ABCA9: variants seen among roughly 807,000 people sequenced by gnomAD.
ABCA9 encodes the protein ATP binding cassette subfamily A member 9, also known as ATP-binding cassette sub-family A member 9.
A neutral mutation model predicts 205.3 loss-of-function variants in ABCA9; 183 were observed. The ratio of observed to expected loss-of-function variants is 0.89; its 90% CI spans 0.79 to 1.01. The LOEUF is 1.01. ABCA9 is among the 50% of genes least tolerant of loss of function. The pLI, the probability that ABCA9 is intolerant of heterozygous loss-of-function variation, is 0.00. For missense variants in ABCA9, 1,805 were observed against 1,912.4 expected (o/e 0.94, Z 1.05); for synonymous variants, 651 against 683.3 (o/e 0.95, Z 0.74).
chr17:69,059,973 C>T (rs768745534), intron 1 of ABCA9, among the ~76,000 whole-genome samples: 18 of 152,132 alleles, frequency 1.2e-4, no homozygotes, highest in South Asian at 4.1e-4. Flanking sequence ...AGAAATCAAG[C>T]GGTGATAAAC....
chr17:68,992,057 C>A, intron 28 of ABCA9, 118 bp downstream of exon 28: 1 of 623,594 alleles, frequency 1.6e-6, no homozygotes, highest in Non-Finnish European at 2.7e-6. Flanking sequence ...TTTTGTATAT[C>A]ACAGTCTTTA....
At position 69,012,030 on chromosome 17, in the gene ABCA9, C is replaced by A. The variant is rs200436897; in HGVS notation, c.3093G>T (p.Pro1031=). 5.0e-6 allele frequency: 8 copies of A among 1,613,164 alleles called. No individual in the cohort carries two copies. The highest frequency in any genetic ancestry group is 6.8e-6 in the Non-Finnish European group (8 of 1,179,500). The change falls in exon 23 of 39, where the codon CCG becomes CCT. Residue 1031 remains proline, a synonymous_variant. Transcript: ENST00000340001. The part of the protein sequence containing the change: ...GYRSNTFFWI[P]MAASFTPYIA... ...TGTATGGAGTGAAAGAGGCTGCCAT[C>A]GGTATCCAGAAGAAGGTGTTACTTC...
intron 8 of ABCA9, among the ~76,000 whole-genome samples, chr17:69,034,347 G>C (rs1314703220): frequency 2.0e-5 from 3 of 152,072 alleles, no homozygotes; most frequent in Non-Finnish European, 4.4e-5. Context: ...TCAGCCTCCA[G>C]AGTAGCTAGG....
At chr17:68,981,835 C>CAAAAA (rs398041827) in intron 37 of ABCA9, among the ~76,000 whole-genome samples, 17 of 51,630 alleles carry the variant, frequency 3.3e-4, no homozygotes, top group African/African-American at 8.9e-4. Context: ...AACTCTTTCT[C>CAAAAA]AAAAAAAAAA....
At chr17:68,997,594 C>CTTTTTTTTTTTTTTT in intron 25 of ABCA9, among the ~76,000 whole-genome samples, 1 of 125,394 alleles carries the variant, frequency 8.0e-6, no homozygotes, top group Non-Finnish European at 1.7e-5. Flanking sequence ...TATTTTTTTT[C>CTTTTTTTTTTTTTTT]TTTTTTTTTT....
intron 11 of ABCA9, 26 bp from the exon 12 acceptor site, chr17:69,028,671 A>C (rs374497326): frequency 9.2e-6 from 13 of 1,408,212 alleles, no homozygotes; most frequent in Middle Eastern, 1.8e-4. Flanking sequence ...AAAAAATTAC[A>C]CTCAGAGCCT....
In ABCA9 at chr17:69,043,655, T is replaced by A. The variant is rs2144456801; in HGVS notation, c.634A>T (p.Ile212Leu). The A allele has an allele frequency of 6.2e-7, 1 of 1,613,610 alleles. No homozygotes were observed. Among genetic ancestry groups the A allele is most frequent in the East Asian group, 2.2e-5 (1 of 44,852 alleles). ...CCTCCTTGGGCAACAAAAGGTAATA[T>A]CTTCATATGTACACCAGTAACTGAC... ...LMSVTGVHMK[I>L]LPFVAQGGVA... The change falls in exon 6 of 39, where the codon ATA (isoleucine) becomes TTA (leucine). Residue 212 changes from isoleucine to leucine, a missense_variant. Physicochemically the swap from Ile to Leu is conservative, Grantham distance 5 (BLOSUM62 2). Transcript: ENST00000340001.
chr17:69,017,726 G>C lies in ABCA9; in HGVS notation c.2831C>G (p.Ala944Gly), dbSNP rs547542664. The C allele has an allele frequency of 4.3e-6, 7 of 1,613,324 alleles. No homozygotes were observed. In the Admixed American group the frequency reaches 8.3e-5, roughly 19 times the overall value. ...ATCTGTGCCATTTCTAGTTCCAAAG[G>C]CATCCACTTCTATAGCTATGTTCTG... Reference protein sequence around the residue: ...RRQNIAIEVDAFGTRNGTDDP... With the variant: ...RRQNIAIEVDGFGTRNGTDDP... The change falls in exon 21 of 39, where the codon GCC (alanine) becomes GGC (glycine). Residue 944 changes from alanine (A) to glycine (G), a missense_variant. By Grantham distance (60) the Ala-to-Gly change is moderately conservative (BLOSUM62 0). Transcript: ENST00000340001.
intron 29 of ABCA9, among the ~76,000 whole-genome samples, chr17:68,990,596 G>C (rs996409293): frequency 6.6e-6 from 1 of 152,078 alleles, no homozygotes; most frequent in Non-Finnish European, 1.5e-5. Context: ...TTGTTGCCCA[G>C]GCTGGTCTCA....
In ABCA9 at chr17:69,003,045, C is replaced by A. The variant is rs551408503; in HGVS notation, c.3435+4714G>T. On this transcript the variant is annotated intron_variant, in intron 25 of 38. Coordinates refer to ENST00000340001, the MANE Select transcript of ABCA9 (RefSeq NM_080283.4). ...TGAGATAGGTTTCCTGAATACAGCA[C>A]ACTGATGGGTCTTGACTCTTTATCC... is the stretch of plus-strand genomic sequence containing the variant. Among the ~76,000 whole-genome samples the A allele has an allele frequency of 6.2e-3, 939 of 150,328 alleles. 18 individuals carry two copies. Among genetic ancestry groups the A allele is most frequent in the African/African-American group, 0.023 (905 of 39,996 alleles).
At chr17:68,990,207 T>G (rs1347463073) in intron 29 of ABCA9, among the ~76,000 whole-genome samples, 1 of 152,192 alleles carries the variant, frequency 6.6e-6, no homozygotes, top group Admixed American at 6.5e-5. Context: ...TAAACAATCA[T>G]GCACACAAAC....
intron 1 of ABCA9, among the ~76,000 whole-genome samples, chr17:69,060,251 T>A (rs1361572136): frequency 6.6e-6 from 1 of 152,200 alleles, no homozygotes; most frequent in Non-Finnish European, 1.5e-5. Flanking sequence ...GGAAATTGTA[T>A]AATTTAGAAA....
chr17:68,982,340 C>T lies in ABCA9; in HGVS notation c.4720+222G>A, dbSNP rs568759775. 8.5e-5 allele frequency among the ~76,000 whole-genome samples: 13 copies of T among 152,280 alleles called. No homozygotes were observed. The South Asian group carries it at 2.7e-3, about 32-fold the overall frequency. On this transcript the variant is annotated intron_variant, in intron 37 of 38. Transcript: ENST00000340001. ...ATCCCTGGCCTCCACCCACTAGAAACCACTTGCATCCAACCTCTCTGTCCG... is the reference window on the plus strand; with the variant it reads ...ATCCCTGGCCTCCACCCACTAGAAATCACTTGCATCCAACCTCTCTGTCCG...
intron 25 of ABCA9, among the ~76,000 whole-genome samples, chr17:69,003,072 GT>G (rs1181778933): frequency 4.7e-5 from 7 of 149,550 alleles, no homozygotes; most frequent in South Asian, 4.2e-4. Context: ...TCTTTATCCA[GT>G]TTGCCAGTCT....
intron 31 of ABCA9, 107 bp downstream of exon 31, chr17:68,988,920 T>C (rs1030105812): frequency 1.5e-6 from 1 of 677,788 alleles, no homozygotes; most frequent in Admixed American, 2.4e-5. Context: ...CTTTATTCAA[T>C]GCATAAATCA....
intron 1 of ABCA9, among the ~76,000 whole-genome samples, chr17:69,056,312 A>G (rs936898557): frequency 6.6e-6 from 1 of 152,194 alleles, no homozygotes; most frequent in African/African-American, 2.4e-5. Context: ...AGTTGCTAAT[A>G]TTAGAAATGA....
intron 1 of ABCA9, among the ~76,000 whole-genome samples, chr17:69,055,830 T>C (rs567578195): frequency 2.4e-4 from 36 of 152,112 alleles, no homozygotes; most frequent in Non-Finnish European, 4.9e-4. Context: ...TGGGCAATGG[T>C]AGAATTACAC....
chr17:69,061,098 T>C, upstream of ABCA9: 4 of 985,446 alleles, frequency 4.1e-6, no homozygotes, highest in Non-Finnish European at 4.8e-6. Context: ...GTTTTCCATT[T>C]CTTTGTTTCC....
intron 25 of ABCA9, among the ~76,000 whole-genome samples, chr17:69,004,162 G>A (rs1032936364): frequency 2.6e-5 from 4 of 152,230 alleles, no homozygotes; most frequent in Admixed American, 1.3e-4. Context: ...TGCTGGTGAG[G>A]AGCTGCACTC....
Sources: gnomAD v4.1 joint callset for allele counts (sites outside exome capture counted in the v4.1 genomes callset) on GRCh38, gnomAD v4.1.1 for gene constraint, MANE v1.5 for transcripts, NCBI Gene and HGNC (gene_info 2026-07-23, HGNC 2026-07-21) for gene names.